The following GLRA2 variants were observed in gnomAD, a reference collection of about 807,000 sequenced individuals.
GLRA2 encodes the protein glycine receptor alpha 2.
GLRA2 carries 11 observed loss-of-function variants against 31.6 expected under a neutral mutation model. The ratio of observed to expected loss-of-function variants is 0.35; its 90% CI spans 0.22 to 0.58. The LOEUF is 0.58. Ranked by LOEUF, GLRA2 falls within the 20% of genes least tolerant of loss-of-function variation. The pLI, the probability that GLRA2 is intolerant of heterozygous loss-of-function variation, is 0.84. For synonymous variants in GLRA2, 132 were observed against 134.0 expected, an observed-to-expected ratio of 0.99 and a Z score of 0.10; for missense variants, 212 against 351.8, an observed-to-expected ratio of 0.60 and a Z score of 3.18.
rs142088063 is a variant in GLRA2, at chrX:14,636,324, C to T, written c.930+27119C>T. ...GTAACTTTACAGTAGAGAAACCTGA[C>T]AAATACGACCTTAGTCAGGTGATCA... On this transcript the variant is annotated intron_variant, in intron 7 of 8. Coordinates refer to ENST00000218075, the MANE Select transcript of GLRA2 (RefSeq NM_002063.4). Among the ~76,000 whole-genome samples the T allele has an allele frequency of 3.8e-3, 419 of 111,088 alleles. 1 individual carries two copies. Among genetic ancestry groups the T allele is most frequent in the African/African-American group, 0.013 (401 of 30,590 alleles).
chrX:14,687,716 T>C (rs2147178368), intron 7 of GLRA2, among the ~76,000 whole-genome samples: 1 of 112,101 alleles, frequency 8.9e-6, no homozygotes, highest in African/African-American at 3.2e-5. Context: ...TAATCTTTTT[T>C]GAAGGTTTTT....
intron 7 of GLRA2, among the ~76,000 whole-genome samples, chrX:14,621,836 C>T (rs2090523205): frequency 1.8e-5 from 2 of 112,073 alleles, no homozygotes; most frequent in African/African-American, 6.5e-5. Flanking sequence ...GTGCATGTGT[C>T]TTTATAGCAG....
the GLRA2 span, among the ~76,000 whole-genome samples, chrX:14,470,878 G>A: frequency 8.9e-6 from 1 of 111,883 alleles, no homozygotes; most frequent in East Asian, 2.8e-4. Flanking sequence ...GACTGCAGAG[G>A]CGTTTTATTG....
chrX:14,670,578 A>AG (rs1468635850), intron 7 of GLRA2, among the ~76,000 whole-genome samples: 4 of 111,483 alleles, frequency 3.6e-5, no homozygotes, highest in South Asian at 3.8e-4. Context: ...CAGCAGGCAA[A>AG]AGAGAGCTTG....
intron 7 of GLRA2, among the ~76,000 whole-genome samples, chrX:14,687,962 C>T (rs925114685): frequency 1.8e-5 from 2 of 112,080 alleles, no homozygotes; most frequent in South Asian, 3.7e-4. Context: ...ATGATGGTGA[C>T]GTACAGATGG....
chrX:14,561,177 C>T (rs747523214), intron 2 of GLRA2, among the ~76,000 whole-genome samples: 47 of 112,077 alleles, frequency 4.2e-4, no homozygotes, highest in African/African-American at 1.4e-3. Context: ...CATCTGGCTC[C>T]GAGGCCATCA....
At chrX:14,596,073 C>T (rs1419760846) in intron 4 of GLRA2, among the ~76,000 whole-genome samples, 1 of 111,459 alleles carries the variant, frequency 9.0e-6, no homozygotes, top group Non-Finnish European at 1.9e-5. Context: ...TTCCCATGTA[C>T]TCTGTTCTTT....
At chrX:14,582,116 G>C (rs1420239086) in intron 4 of GLRA2, among the ~76,000 whole-genome samples, 8 of 102,521 alleles carry the variant, frequency 7.8e-5, no homozygotes, top group African/African-American at 2.9e-4. Flanking sequence ...TGTGCACAAC[G>C]TGCAGGTTAG....
chrX:14,530,552 G>T (rs2089241002), intron 1 of GLRA2, among the ~76,000 whole-genome samples: 2 of 111,620 alleles, frequency 1.8e-5, no homozygotes, highest in African/African-American at 6.5e-5. Context: ...CAGCCAACTT[G>T]GGACTTCTGT....
At chrX:14,691,224 T>C in intron 8 of GLRA2, among the ~76,000 whole-genome samples, 1 of 110,219 alleles carries the variant, frequency 9.1e-6, no homozygotes. Context: ...GGATATATAC[T>C]TGATTTGACA....
chrX:14,696,836 G>C (rs1032193149), intron 8 of GLRA2, among the ~76,000 whole-genome samples: 3 of 112,095 alleles, frequency 2.7e-5, no homozygotes, highest in Admixed American at 1.9e-4. Flanking sequence ...ATTGAGAAAT[G>C]CAAGTTTGCA....
At chrX:14,513,569 A>G in the GLRA2 span, among the ~76,000 whole-genome samples, 1 of 111,845 alleles carries the variant, frequency 8.9e-6, no homozygotes, top group East Asian at 2.8e-4. Context: ...AATTAGCATA[A>G]AAAAACCGAA....
At chrX:14,509,255 ATTCT>A in the GLRA2 span, among the ~76,000 whole-genome samples, 1 of 112,625 alleles carries the variant, frequency 8.9e-6, no homozygotes, top group South Asian at 3.6e-4. Context: ...GATTCTAAAA[ATTCT>A]TTCTAGTCTT....
chrX:14,521,547 T>G, the GLRA2 span, among the ~76,000 whole-genome samples: 7 of 111,640 alleles, frequency 6.3e-5, no homozygotes, highest in African/African-American at 2.3e-4. Context: ...GGACATGGAC[T>G]GAGCCATCCA....
At chrX:14,713,460 C>T (rs1811360710) in intron 8 of GLRA2, among the ~76,000 whole-genome samples, 1 of 111,844 alleles carries the variant, frequency 8.9e-6, no homozygotes, top group African/African-American at 3.2e-5. Flanking sequence ...ATTGAAATAT[C>T]ACAGCCATAT....
Position 14,655,315 on chromosome X carries a change from G to T in GLRA2, c.931-35395G>T, listed in dbSNP as rs1312135143. On this transcript the variant is annotated intron_variant, in intron 7 of 8. Transcript: ENST00000218075. ...AGGTGAGATGGAGGCAAGCTAGGTT[G>T]TTTGGAGCATCTGTGGAGCACAGAG... Among the ~76,000 whole-genome samples, 14 of 111,207 alleles carry T rather than the reference G, an allele frequency of 1.3e-4. No homozygotes were observed. In the Admixed American group the frequency reaches 1.3e-3, roughly 11 times the overall value.
In GLRA2 at chrX:14,630,296, C is replaced by T. The variant is rs183562271; in HGVS notation, c.930+21091C>T. Among the ~76,000 whole-genome samples the T allele has an allele frequency of 3.7e-3, 409 of 111,588 alleles. 2 individuals are homozygous for T. The highest frequency in any genetic ancestry group is 0.012 in the African/African-American group (380 of 30,762). ...AATTGTCTTCACACTTGCACTGTTT[C>T]CAATTTAAAAATCTGCTGTCATCTT... is the stretch of plus-strand genomic sequence containing the variant. On this transcript the variant is annotated intron_variant, in intron 7 of 8. Coordinates refer to ENST00000218075, the MANE Select transcript of GLRA2 (RefSeq NM_002063.4).
the GLRA2 span, among the ~76,000 whole-genome samples, chrX:14,484,522 T>A: frequency 8.9e-6 from 1 of 112,242 alleles, no homozygotes; most frequent in African/African-American, 3.2e-5. Flanking sequence ...TGCATAGGGA[T>A]ATGAATGATT....
upstream of GLRA2, among the ~76,000 whole-genome samples, chrX:14,528,004 A>T (rs1464096984): frequency 8.9e-6 from 1 of 112,550 alleles, no homozygotes; most frequent in Non-Finnish European, 1.9e-5. Context: ...TTGATTTTGT[A>T]TGTAAATAGA....
Sources: gnomAD v4.1 joint callset for allele counts (sites outside exome capture counted in the v4.1 genomes callset) on GRCh38, gnomAD v4.1.1 for gene constraint, MANE v1.5 for transcripts, NCBI Gene and HGNC (gene_info 2026-07-23, HGNC 2026-07-21) for gene names.